The following RANBP2 variants were observed in gnomAD, a reference collection of about 807,000 sequenced individuals.
The protein encoded by RANBP2 is RAN binding protein 2, also known as E3 SUMO-protein ligase RanBP2.
Under a neutral mutation model 303.6 loss-of-function variants are expected in RANBP2, and 57 were observed. The ratio of observed to expected loss-of-function variants is 0.19; its 90% confidence interval spans 0.15 to 0.23. The LOEUF is 0.23. Among genes scored for constraint, RANBP2 ranks in the 10% least tolerant of loss-of-function variants. RANBP2 has a pLI of 1.00. For synonymous variants in RANBP2, 1,167 were observed against 1,301.5 expected, an observed-to-expected ratio of 0.90 and a Z score of 2.23; for missense variants, 3,138 against 3,780.8, an observed-to-expected ratio of 0.83 and a Z score of 4.46.
chr2:108,920,924 T>C, the RANBP2 span, among the ~76,000 whole-genome samples: 1 of 151,768 alleles, frequency 6.6e-6, no homozygotes, highest in African/African-American at 2.4e-5. Flanking sequence ...CTCTGGGAGG[T>C]GAGATAACTC....
At chr2:109,089,996 A>T in the RANBP2 span, among the ~76,000 whole-genome samples, 144 of 152,266 alleles carry the variant, frequency 9.5e-4, no homozygotes, top group African/African-American at 3.2e-3. Flanking sequence ...TTTGAAAAAT[A>T]ATTTTAATAG....
chr2:108,725,501 C>G (rs891206581), intron 1 of RANBP2, among the ~76,000 whole-genome samples: 1 of 152,194 alleles, frequency 6.6e-6, no homozygotes, highest in African/African-American at 2.4e-5. Context: ...ATGGCTGACG[C>G]CTGTAATCCC....
chr2:109,326,938 A>G, the RANBP2 span, among the ~76,000 whole-genome samples: 1 of 152,212 alleles, frequency 6.6e-6, no homozygotes, highest in African/African-American at 2.4e-5. Flanking sequence ...TTCCAGTTCA[A>G]CTGCTGGGTT....
At chr2:108,991,074 G>A in the RANBP2 span, among the ~76,000 whole-genome samples, 1 of 152,074 alleles carries the variant, frequency 6.6e-6, no homozygotes, top group Non-Finnish European at 1.5e-5. Context: ...AGAGAAAAAA[G>A]ACACAAGAAA....
chr2:108,737,778 A>G (rs1011984414), intron 6 of RANBP2, among the ~76,000 whole-genome samples: 7 of 145,582 alleles, frequency 4.8e-5, no homozygotes, highest in East Asian at 2.1e-4. Flanking sequence ...CTGTGGGGCA[A>G]TCTCGGCTCA....
chr2:109,145,062 A>G, the RANBP2 span, among the ~76,000 whole-genome samples: 1 of 152,068 alleles, frequency 6.6e-6, no homozygotes, highest in East Asian at 1.9e-4. Context: ...TCGTAAGCAG[A>G]GTGTTAAGGG....
At chr2:109,174,604 G>T in the RANBP2 span, among the ~76,000 whole-genome samples, 1 of 152,370 alleles carries the variant, frequency 6.6e-6, no homozygotes, top group Non-Finnish European at 1.5e-5. Flanking sequence ...TTCGTATCTA[G>T]GTGGCTGAAG....
At chr2:109,409,062 CT>C in the RANBP2 span, among the ~76,000 whole-genome samples, 1 of 152,196 alleles carries the variant, frequency 6.6e-6, no homozygotes, top group East Asian at 1.9e-4. Context: ...CTCCCCTTTC[CT>C]TGTTGACGTT....
At chr2:109,402,813 C>A in the RANBP2 span, among the ~76,000 whole-genome samples, 6 of 152,174 alleles carry the variant, frequency 3.9e-5, no homozygotes, top group Admixed American at 3.3e-4. Flanking sequence ...AGTGCATTTA[C>A]TTTTGGGGTG....
the RANBP2 span, among the ~76,000 whole-genome samples, chr2:109,523,844 G>A: frequency 3.3e-5 from 5 of 152,206 alleles, no homozygotes; most frequent in Admixed American, 3.3e-4. Context: ...AGCAGCCTGC[G>A]ACGGTCTCCC....
chr2:109,615,683 C>G, the RANBP2 span: 7 of 1,614,010 alleles, frequency 4.3e-6, no homozygotes, highest in Admixed American at 1.7e-5. Flanking sequence ...GAGCCCTGGA[C>G]GAGGGTGACG....
rs773339378 is a variant in RANBP2, at chr2:108,748,910, T to A, written c.1064-10T>A. On this transcript the variant is annotated splice_polypyrimidine_tract_variant and intron_variant, in intron 8 of 28. Transcript: ENST00000283195. ...TAAAGTGATGGAAATAACTTAAATT[T>A]TTTTTTCAGGGCACATGTTGCTAAA... 6.2e-7 allele frequency: 1 copy of A among 1,611,856 alleles called. No individual in the cohort carries two copies. Among genetic ancestry groups the A allele is most frequent in the Non-Finnish European group, 8.5e-7 (1 of 1,179,858 alleles).
chr2:109,708,541 C>T, the RANBP2 span, among the ~76,000 whole-genome samples: 1 of 152,200 alleles, frequency 6.6e-6, no homozygotes, highest in African/African-American at 2.4e-5. Flanking sequence ...CCTGTAGTTC[C>T]AGCTACTTGG....
At chr2:108,913,018 G>T in the RANBP2 span, among the ~76,000 whole-genome samples, 3 of 149,646 alleles carry the variant, frequency 2.0e-5, no homozygotes, top group African/African-American at 7.4e-5. Context: ...GCGTGATCTC[G>T]GCTCACTGCA....
the RANBP2 span, chr2:109,614,972 G>A: frequency 6.5e-7 from 1 of 1,537,402 alleles, no homozygotes; most frequent in African/African-American, 1.4e-5. Flanking sequence ...GGCGCGACGT[G>A]CAGCCCCTAC....
the RANBP2 span, among the ~76,000 whole-genome samples, chr2:109,626,598 G>A: frequency 2.0e-5 from 3 of 152,184 alleles, no homozygotes; most frequent in African/African-American, 7.2e-5. Flanking sequence ...TCGATGGGGA[G>A]GTGAGTTAAT....
At chr2:109,441,948 T>C in the RANBP2 span, among the ~76,000 whole-genome samples, 2 of 104,182 alleles carry the variant, frequency 1.9e-5, no homozygotes, top group South Asian at 6.2e-4. Flanking sequence ...AGCAAAAATA[T>C]CTTTCAAAAA....
At chr2:108,915,344 T>C in the RANBP2 span, among the ~76,000 whole-genome samples, 1 of 152,276 alleles carries the variant, frequency 6.6e-6, no homozygotes, top group East Asian at 1.9e-4. Flanking sequence ...CACAGGAGAA[T>C]GGGCTGGATG....
At chr2:108,739,834 AAAG>A (rs1695930448) in intron 6 of RANBP2, among the ~76,000 whole-genome samples, 1 of 152,130 alleles carries the variant, frequency 6.6e-6, no homozygotes, top group Admixed American at 6.5e-5. Context: ...AAATATAAAA[AAAG>A]TTTAGCGGGG....
Sources: allele counts gnomAD v4.1 joint callset (sites outside exome capture counted in the v4.1 genomes callset), GRCh38; gene constraint gnomAD v4.1.1; transcripts MANE v1.5; gene names NCBI Gene and HGNC (gene_info 2026-07-23, HGNC 2026-07-21).